RALGAPA1: variants seen among roughly 807,000 people sequenced by gnomAD.
RALGAPA1 encodes the protein Ral GTPase activating protein catalytic subunit alpha 1, also known as ral GTPase-activating protein subunit alpha-1.
RALGAPA1 carries 52 observed loss-of-function variants against 269.6 expected under a neutral mutation model. The ratio of observed to expected loss-of-function variants is 0.19; its 90% CI spans 0.15 to 0.24. RALGAPA1 has a LOEUF of 0.24. Among genes scored for constraint, RALGAPA1 ranks in the 10% least tolerant of loss-of-function variants. The pLI, the probability that RALGAPA1 is intolerant of heterozygous loss-of-function variation, is 1.00. For synonymous variants in RALGAPA1, 817 were observed against 1,008.3 expected (o/e 0.81, Z 3.60); for missense variants, 1,917 against 3,013.9 (o/e 0.64, Z 8.52).
intron 37 of RALGAPA1, among the ~76,000 whole-genome samples, chr14:35,576,558 A>C (rs763965587): frequency 2.0e-3 from 297 of 152,304 alleles, no homozygotes; most frequent in Non-Finnish European, 3.2e-3. Context: ...AGGCTTGGTT[A>C]AGAGCCTTAC....
intron 39 of RALGAPA1, among the ~76,000 whole-genome samples, chr14:35,569,534 C>G (rs748947944): frequency 5.9e-5 from 9 of 152,030 alleles, no homozygotes; most frequent in Non-Finnish European, 1.0e-4. Flanking sequence ...AATAATTTTC[C>G]CAAGTCTACA....
chr14:35,710,629 C>T (rs1249358927), intron 16 of RALGAPA1, among the ~76,000 whole-genome samples: 1 of 152,152 alleles, frequency 6.6e-6, no homozygotes, highest in Non-Finnish European at 1.5e-5. Flanking sequence ...TCTGCTTTGT[C>T]ATGCACTGCA....
rs141890886 is a variant in RALGAPA1, at chr14:35,767,039, C to A, written c.325+3903G>T. ...ACAAGTAAAGTTTCCTGTTATTCAACTTCAAGAACTTATGGATGATTGTTC... is the reference window on the plus strand; with the variant it reads ...ACAAGTAAAGTTTCCTGTTATTCAAATTCAAGAACTTATGGATGATTGTTC... On this transcript the variant is annotated intron_variant, in intron 4 of 41. Transcript: ENST00000680220. The A allele has an allele frequency of 9.6e-5, 34 of 355,220 alleles. No homozygotes were observed. The East Asian group carries it at 2.5e-3, about 26-fold the overall frequency. 22.0% of individuals were successfully genotyped at this position (355,220 alleles called of 1,614,324 possible).
At chr14:35,759,524 A>G (rs1268041023) in intron 6 of RALGAPA1, among the ~76,000 whole-genome samples, 1 of 152,148 alleles carries the variant, frequency 6.6e-6, no homozygotes, top group African/African-American at 2.4e-5. Flanking sequence ...TGCTCATGAA[A>G]GAATAAAGAA....
chr14:35,674,477 T>C (rs1265753154), intron 23 of RALGAPA1, 39 bp downstream of exon 23: 1 of 1,528,956 alleles, frequency 6.5e-7, no homozygotes, highest in African/African-American at 1.4e-5. Flanking sequence ...TAAATATTTT[T>C]ATTTTCTTCT....
chr14:35,802,399 G>A (rs180752604), intron 1 of RALGAPA1, among the ~76,000 whole-genome samples: 2 of 152,278 alleles, frequency 1.3e-5, no homozygotes, highest in Admixed American at 1.3e-4. Flanking sequence ...TTCCTGATAT[G>A]AGATCCAATC....
At chr14:35,572,484 T>C in intron 38 of RALGAPA1, 76 bp downstream of exon 38, 1 of 1,183,054 alleles carries the variant, frequency 8.5e-7, no homozygotes, top group Non-Finnish European at 1.2e-6. Context: ...AATTTTATTC[T>C]GTAACATGGA....
chr14:35,605,820 T>A, intron 35 of RALGAPA1, 111 bp from the exon 36 acceptor site: 1 of 1,268,070 alleles, frequency 7.9e-7, no homozygotes, highest in Non-Finnish European at 1.1e-6. Context: ...TGAAAAAGAA[T>A]TAGATCTTAT....
intron 1 of RALGAPA1, among the ~76,000 whole-genome samples, chr14:35,794,618 G>A (rs1318756906): frequency 1.3e-5 from 2 of 151,934 alleles, no homozygotes; most frequent in Non-Finnish European, 2.9e-5. Context: ...CACGGCGCCC[G>A]GCTAATTTTT....
At chr14:35,644,605 A>C (rs2062263864) in intron 31 of RALGAPA1, among the ~76,000 whole-genome samples, 1 of 152,278 alleles carries the variant, frequency 6.6e-6, no homozygotes, top group South Asian at 2.1e-4. Context: ...ATTTAAAAAA[A>C]TAGAACAGCA....
chr14:35,762,734 T>C lies in RALGAPA1; in HGVS notation c.345A>G (p.Leu115=), dbSNP rs769313635. The part of the protein sequence containing the change: ...FHSIGLILKK[L]LHTGNSLKIR... The stretch of plus-strand genomic sequence containing the variant: ...CCTTTAAGGAGTTTCCTGTGTGAAG[T>C]AGCTTCTTTAAAATCAATCCTGAAA... Residue 115 remains leucine, a synonymous_variant, in exon 5 of 42, where the codon CTA becomes CTG. Transcript: ENST00000680220. 37 of 1,517,268 alleles carry C rather than the reference T, an allele frequency of 2.4e-5. No homozygotes were observed. Among genetic ancestry groups the C allele is most frequent in the South Asian group, 7.9e-5 (7 of 89,020 alleles). The allele number at this position is 1,517,268 out of a possible 1,614,324, so 94.0% of individuals were successfully genotyped here.
intron 1 of RALGAPA1, among the ~76,000 whole-genome samples, chr14:35,806,736 G>A (rs917366567): frequency 6.6e-6 from 1 of 152,084 alleles, no homozygotes; most frequent in African/African-American, 2.4e-5. Flanking sequence ...CTGCAAACTA[G>A]TTTCCTCATT....
At chr14:35,607,514 C>T (rs1441321237) in intron 35 of RALGAPA1, among the ~76,000 whole-genome samples, 1 of 152,168 alleles carries the variant, frequency 6.6e-6, no homozygotes, top group Non-Finnish European at 1.5e-5. Context: ...TCAATCTTCC[C>T]CATTCTAGCT....
chr14:35,670,585 C>T (rs1346505697), intron 26 of RALGAPA1, among the ~76,000 whole-genome samples: 1 of 152,152 alleles, frequency 6.6e-6, no homozygotes, highest in Non-Finnish European at 1.5e-5. Flanking sequence ...TTAGCATTGT[C>T]TCACAGTTCC....
chr14:35,541,926 G>C (rs1316141202), intron 41 of RALGAPA1: 1 of 720,176 alleles, frequency 1.4e-6, no homozygotes, highest in Admixed American at 2.4e-5. Context: ...AGCAGAGAGA[G>C]AGGAATCAAG....
intron 37 of RALGAPA1, 88 bp from the exon 38 acceptor site, chr14:35,572,806 C>A: frequency 1.1e-6 from 1 of 935,374 alleles, no homozygotes; most frequent in Admixed American, 3.0e-5. Flanking sequence ...AGGGGAAAAA[C>A]GAAATTAAAA....
chr14:35,746,702 T>A (rs2072137411), intron 10 of RALGAPA1, among the ~76,000 whole-genome samples: 1 of 151,842 alleles, frequency 6.6e-6, no homozygotes, highest in Non-Finnish European at 1.5e-5. Context: ...TAAAATAAAG[T>A]GGCAAATATA....
Position 35,683,891 on chromosome 14 carries a change from A to G in RALGAPA1, c.4389T>C (p.Ala1463=). The G allele has an allele frequency of 6.2e-7, 1 of 1,612,556 alleles. No individual in the cohort carries two copies. Among genetic ancestry groups the G allele is most frequent in the Non-Finnish European group, 8.5e-7 (1 of 1,178,818 alleles). The part of the protein sequence containing the change: ...HHQSAEEQEV[A]SLTTLHIDSE... ...AATCTATATGAAGAGTAGTTAGACT[A>G]GCCACTTCCTGCTCTTCAGCACTCT... Residue 1463 remains alanine (A), a synonymous_variant, in exon 21 of 42, where the codon GCT becomes GCC. Transcript: ENST00000680220.
At chr14:35,591,384 T>C (rs1013559428) in intron 37 of RALGAPA1, among the ~76,000 whole-genome samples, 2 of 152,158 alleles carry the variant, frequency 1.3e-5, no homozygotes, top group South Asian at 2.1e-4. Context: ...GGTGTGACCA[T>C]GGCACACTGT....
Sources: allele counts gnomAD v4.1 joint callset (sites outside exome capture counted in the v4.1 genomes callset), GRCh38; gene constraint gnomAD v4.1.1; transcripts MANE v1.5; gene names NCBI Gene and HGNC (gene_info 2026-07-23, HGNC 2026-07-21).